FRMD6: variants seen among roughly 807,000 people sequenced by gnomAD.
FRMD6 encodes FERM domain containing 6, also known as FERM domain-containing protein 6.
A neutral mutation model predicts 73.2 loss-of-function variants in FRMD6; 37 were observed. The ratio of observed to expected loss-of-function variants is 0.51; its 90% CI spans 0.39 to 0.66. The LOEUF is 0.66. FRMD6 is among the 30% of genes least tolerant of loss of function. The pLI is 0.00. For missense variants in FRMD6, 714 were observed against 780.5 expected (o/e 0.91, Z 1.02); for synonymous variants, 273 against 282.2 (o/e 0.97, Z 0.33).
At chr14:51,648,666 A>T (rs1284227798), upstream of FRMD6, among the ~76,000 whole-genome samples, 2 of 152,072 alleles carry the variant, frequency 1.3e-5, no homozygotes, top group Admixed American at 1.3e-4. Flanking sequence ...GCGTATCTCT[A>T]CCATAGCATG....
the FRMD6 span, among the ~76,000 whole-genome samples, chr14:51,412,980 C>A: frequency 6.7e-6 from 1 of 149,796 alleles, no homozygotes; most frequent in Non-Finnish European, 1.5e-5. Context: ...ATTTACCTTG[C>A]CATAGTTAAA....
intron 1 of FRMD6, among the ~76,000 whole-genome samples, chr14:51,536,095 T>TAGAG (rs1262597387): frequency 1.8e-4 from 25 of 138,936 alleles, no homozygotes; most frequent in South Asian, 1.2e-3. Context: ...TATATATATA[T>TAGAG]ATAGAGAGAG....
At chr14:51,501,267 T>C (rs1883607018) in intron 1 of FRMD6, among the ~76,000 whole-genome samples, 1 of 152,172 alleles carries the variant, frequency 6.6e-6, no homozygotes, top group Non-Finnish European at 1.5e-5. Context: ...GTTTGTTGCA[T>C]AGGTAAATGT....
chr14:51,671,680 T>C (rs535946223), intron 1 of FRMD6, among the ~76,000 whole-genome samples: 1 of 152,286 alleles, frequency 6.6e-6, no homozygotes, highest in East Asian at 1.9e-4. Context: ...AAATCACTGG[T>C]GCTTTAGAAA....
intron 1 of FRMD6, among the ~76,000 whole-genome samples, chr14:51,658,395 C>A (rs1482499381): frequency 6.6e-6 from 1 of 151,968 alleles, no homozygotes; most frequent in African/African-American, 2.4e-5. Context: ...AGTAGGAGAT[C>A]TCTTGAGGTC....
chr14:51,473,864 T>G, the FRMD6 span, among the ~76,000 whole-genome samples: 5 of 151,972 alleles, frequency 3.3e-5, no homozygotes, highest in Non-Finnish European at 7.4e-5. Context: ...ATTAAAATCC[T>G]ATGCAATTTC....
intron 7 of FRMD6, 50 bp downstream of exon 7, chr14:51,708,283 C>T (rs754969875): frequency 4.9e-5 from 75 of 1,538,968 alleles, no homozygotes; most frequent in Non-Finnish European, 5.9e-5. Flanking sequence ...AACATCTTCT[C>T]AATAGGATTG....
intron 2 of FRMD6, among the ~76,000 whole-genome samples, chr14:51,644,657 T>C (rs1485495614): frequency 6.6e-6 from 1 of 152,212 alleles, no homozygotes; most frequent in South Asian, 2.1e-4. Context: ...GTATTGTACA[T>C]AAAACTATCA....
chr14:51,603,944 CAAAAA>C (rs34108011), intron 2 of FRMD6, among the ~76,000 whole-genome samples: 2 of 142,786 alleles, frequency 1.4e-5, no homozygotes, highest in African/African-American at 5.2e-5. Flanking sequence ...TCTTGTGATA[CAAAAA>C]AAAAAAAAAA....
intron 1 of FRMD6, among the ~76,000 whole-genome samples, chr14:51,672,483 G>A (rs1594705538): frequency 1.3e-5 from 2 of 152,140 alleles, no homozygotes; most frequent in East Asian, 3.9e-4. Flanking sequence ...TCTTCAAAGG[G>A]CACCCATTTT....
At chr14:51,525,831 A>G (rs1440835663) in intron 1 of FRMD6, among the ~76,000 whole-genome samples, 1 of 152,162 alleles carries the variant, frequency 6.6e-6, no homozygotes, top group African/African-American at 2.4e-5. Context: ...AGAAGGTCAC[A>G]TGAGTCACTT....
intron 2 of FRMD6, among the ~76,000 whole-genome samples, chr14:51,619,923 C>T (rs181461714): frequency 2.2e-4 from 34 of 152,236 alleles, no homozygotes; most frequent in East Asian, 1.9e-4. Context: ...TTCAAGGTGT[C>T]GCAGAAGGCA....
intron 1 of FRMD6, among the ~76,000 whole-genome samples, chr14:51,509,483 C>T (rs1043925850): frequency 2.6e-5 from 4 of 151,482 alleles, no homozygotes; most frequent in African/African-American, 9.7e-5. Context: ...GCGGAGATTG[C>T]GCCACTACAC....
At chr14:51,502,015 T>C (rs1883650530) in intron 1 of FRMD6, among the ~76,000 whole-genome samples, 1 of 152,206 alleles carries the variant, frequency 6.6e-6, no homozygotes, top group Admixed American at 6.5e-5. Context: ...TGGCCACATG[T>C]ATGTCTTCTT....
intron 9 of FRMD6, chr14:51,715,056 C>G: frequency 3.9e-6 from 1 of 254,136 alleles, no homozygotes; most frequent in Non-Finnish European, 7.4e-6. Context: ...CCTGACCAGC[C>G]AGAGAAACCA....
the FRMD6 span, among the ~76,000 whole-genome samples, chr14:51,482,209 T>C: frequency 6.6e-6 from 1 of 152,330 alleles, no homozygotes; most frequent in Admixed American, 6.5e-5. Flanking sequence ...GGACTTCACT[T>C]CAGATGTTCC....
intron 1 of FRMD6, among the ~76,000 whole-genome samples, chr14:51,682,683 G>A (rs1468796709): frequency 6.6e-6 from 1 of 152,160 alleles, no homozygotes; most frequent in East Asian, 1.9e-4. Flanking sequence ...TTCTTACCAT[G>A]TGGCATCAAA....
chr14:51,510,677 G>A (rs1450315624), intron 1 of FRMD6, among the ~76,000 whole-genome samples: 31 of 152,130 alleles, frequency 2.0e-4, no homozygotes, highest in Non-Finnish European at 5.9e-5. Context: ...ATTAAATCAC[G>A]CGTTGACCAG....
intron 1 of FRMD6, among the ~76,000 whole-genome samples, chr14:51,519,853 C>T (rs2140290779): frequency 6.6e-6 from 1 of 152,228 alleles, no homozygotes; most frequent in Non-Finnish European, 1.5e-5. Flanking sequence ...GGACTCTTTG[C>T]CACAGATACA....
Sources: allele counts gnomAD v4.1 joint callset (sites outside exome capture counted in the v4.1 genomes callset), GRCh38; gene constraint gnomAD v4.1.1; transcripts MANE v1.5; gene names NCBI Gene and HGNC (gene_info 2026-07-23, HGNC 2026-07-21).